The following PTK2B variants were observed in gnomAD, a reference collection of about 807,000 sequenced individuals.
The protein encoded by PTK2B is protein tyrosine kinase 2 beta, also known as protein-tyrosine kinase 2-beta.
PTK2B carries 71 observed loss-of-function variants against 142.9 expected under a neutral mutation model. The observed-to-expected ratio is 0.50, with a 90% CI of 0.41 to 0.61. PTK2B has a LOEUF of 0.61. PTK2B is among the 20% of genes least tolerant of loss of function. The pLI is 0.00. For synonymous variants in PTK2B, 519 were observed against 503.4 expected (o/e 1.03, Z -0.42); for missense variants, 1,105 against 1,320.4 (o/e 0.84, Z 2.53).
intron 3 of PTK2B, among the ~76,000 whole-genome samples, chr8:27,314,003 T>C (rs541514183): frequency 8.3e-4 from 127 of 152,256 alleles, no homozygotes; most frequent in Non-Finnish European, 1.4e-3. Context: ...CTTGAGGGGA[T>C]TGGGGAGGGT....
intron 1 of PTK2B, among the ~76,000 whole-genome samples, chr8:27,380,140 T>C (rs1208730113): frequency 6.6e-6 from 1 of 152,168 alleles, no homozygotes; most frequent in African/African-American, 2.4e-5. Flanking sequence ...CTCAGGGACT[T>C]GCTACTCACA....
chr8:27,340,908 G>A (rs1804356337), intron 1 of PTK2B, among the ~76,000 whole-genome samples: 1 of 152,246 alleles, frequency 6.6e-6, no homozygotes, highest in Non-Finnish European at 1.5e-5. Flanking sequence ...TGTGCAGTGG[G>A]GAGGGGGGCA....
rs1304632540 is a variant in PTK2B, at chr8:27,362,808, T to A, written c.-37-34740T>A. ...CTGTTCCCACGTGAAATCTAGAACT[T>A]CTCCCACACGAAATCTAGAACTGCT... On this transcript the variant is annotated intron_variant, in intron 1 of 30. Transcript: ENST00000346049. Among the ~76,000 whole-genome samples, 10 of 152,018 alleles carry A rather than the reference T, an allele frequency of 6.6e-5. No individual in the cohort carries two copies. In the East Asian group the frequency reaches 1.9e-3, roughly 29 times the overall value.
intron 1 of PTK2B, among the ~76,000 whole-genome samples, chr8:27,344,616 T>C (rs1312594004): frequency 6.6e-6 from 1 of 152,130 alleles, no homozygotes; most frequent in Admixed American, 6.5e-5. Context: ...ATAACTAAGG[T>C]CACCCAGGAT....
chr8:27,425,736 A>G (rs1810045518), intron 5 of PTK2B, among the ~76,000 whole-genome samples: 1 of 152,244 alleles, frequency 6.6e-6, no homozygotes, highest in South Asian at 2.1e-4. Flanking sequence ...CATTACGCAG[A>G]GTAGTTTCAC....
rs549026864 is a variant in PTK2B, at chr8:27,426,098, A to C, written c.551+3715A>C. ...ACAGCAACAACAACTACAACAAAAC[A>C]GAGAATACGTAACCCCAGATTAGCT... On this transcript the variant is annotated intron_variant, in intron 5 of 30. Coordinates refer to ENST00000346049, the MANE Select transcript of PTK2B (RefSeq NM_173176.3). Among the ~76,000 whole-genome samples, 4 of 152,348 alleles carry C rather than the reference A, an allele frequency of 2.6e-5. No individual in the cohort carries two copies. In the South Asian group the frequency reaches 8.3e-4, roughly 32 times the overall value.
rs147278910 is a variant in PTK2B, at chr8:27,372,919, C to T, written c.-37-24629C>T. Among the ~76,000 whole-genome samples, 50 of 152,202 alleles carry T rather than the reference C, an allele frequency of 3.3e-4. 1 individual carries two copies. The East Asian group carries it at 8.3e-3, about 25-fold the overall frequency. ...GAGTTCATATACAAAGTCTAAATTT[C>T]CACATAGACATTTCCAAAGTCTATG... On this transcript the variant is annotated intron_variant, in intron 1 of 30. Transcript: ENST00000346049.
At position 27,439,044 on chromosome 8, in the gene PTK2B, C is replaced by T. The variant is rs749280298; in HGVS notation, c.1657C>T (p.Arg553Trp). 8 of 1,613,958 alleles carry T rather than the reference C, an allele frequency of 5.0e-6. No homozygotes were observed. Among genetic ancestry groups the T allele is most frequent in the Admixed American group, 3.3e-5 (2 of 60,012 alleles). The change falls in exon 19 of 31, where the codon CGG becomes TGG. Residue 553 changes from arginine (R) to tryptophan (W), a missense_variant. Physicochemically the swap from Arg to Trp is moderately radical, Grantham distance 101. Transcript: ENST00000346049. ...INCVHRDIAV[R>W]NILVASPECV... The stretch of plus-strand genomic sequence containing the variant: ...CCCTTCTTCCAGGGACATTGCTGTC[C>T]GGAACATCCTGGTGGCCTCCCCTGA...
intron 1 of PTK2B, among the ~76,000 whole-genome samples, chr8:27,331,861 G>A (rs879464072): frequency 3.3e-5 from 5 of 152,186 alleles, no homozygotes; most frequent in Non-Finnish European, 5.9e-5. Context: ...GGAACCTCAA[G>A]TGCTTTTCTA....
chr8:27,442,330 T>C (rs1178547602), intron 21 of PTK2B, among the ~76,000 whole-genome samples: 6 of 152,192 alleles, frequency 3.9e-5, no homozygotes, highest in African/African-American at 1.4e-4. Context: ...TCCAGAGTCC[T>C]CTGGGGTCTG....
intron 1 of PTK2B, among the ~76,000 whole-genome samples, chr8:27,331,105 C>T (rs1263629519): frequency 5.9e-5 from 9 of 152,226 alleles, no homozygotes; most frequent in African/African-American, 2.2e-4. Flanking sequence ...GACAGGAGGG[C>T]TCAAAGAATC....
intron 1 of PTK2B, among the ~76,000 whole-genome samples, chr8:27,389,525 C>T (rs1586216589): frequency 1.3e-5 from 2 of 152,274 alleles, no homozygotes; most frequent in South Asian, 4.1e-4. Flanking sequence ...GGTAATGCAT[C>T]CCTGTTGCTC....
chr8:27,437,044 G>T (rs1810821593), intron 15 of PTK2B, 78 bp from the exon 16 acceptor site: 1 of 1,389,850 alleles, frequency 7.2e-7, no homozygotes, highest in Non-Finnish European at 1.0e-6. Context: ...TCTGCAGGAG[G>T]CCATGGGGAG....
At position 27,445,811 on chromosome 8, in the gene PTK2B, T is replaced by A; in HGVS notation, c.2232T>A (p.Cys744Ter). The A allele has an allele frequency of 6.2e-7, 1 of 1,613,972 alleles. No individual in the cohort carries two copies. The highest frequency in any genetic ancestry group is 8.5e-7 in the Non-Finnish European group (1 of 1,180,028). ...CTGAATAGGTTCCTGAGGGTCTGTG[T>A]GCCAGCTCTCCTACGCTCACCAGCC... The part of the protein sequence containing the change: ...KLQFQVPEGL[C>*]ASSPTLTSPM... The change falls in exon 24 of 31, where the codon TGT becomes TGA. Residue 744 changes from cysteine (C) to a stop codon, truncating the protein, a stop_gained. Coordinates refer to ENST00000346049, the MANE Select transcript of PTK2B (RefSeq NM_173176.3). LOFTEE classifies it high-confidence loss of function.
chr8:27,379,529 A>G (rs1806884239), intron 1 of PTK2B, among the ~76,000 whole-genome samples: 1 of 152,050 alleles, frequency 6.6e-6, no homozygotes, highest in Admixed American at 6.5e-5. Context: ...CACCCAGCCT[A>G]CCACAGCTGT....
At chr8:27,422,173 T>A in intron 4 of PTK2B, 131 bp from the exon 5 acceptor site, 1 of 796,408 alleles carries the variant, frequency 1.3e-6, no homozygotes, top group Non-Finnish European at 2.0e-6. Flanking sequence ...CCCTGCTCCA[T>A]GCTTGTTTGT....
intron 3 of PTK2B, among the ~76,000 whole-genome samples, chr8:27,314,727 A>G (rs1160318079): frequency 6.6e-6 from 1 of 152,178 alleles, no homozygotes; most frequent in African/African-American, 2.4e-5. Context: ...TTCATTTTCC[A>G]TAAAACCCTT....
intron 1 of PTK2B, among the ~76,000 whole-genome samples, chr8:27,371,332 A>G (rs1431840200): frequency 6.6e-6 from 1 of 152,130 alleles, no homozygotes; most frequent in African/African-American, 2.4e-5. Context: ...TGTGAATGCC[A>G]AGGTCGGCGG....
intron 30 of PTK2B, among the ~76,000 whole-genome samples, chr8:27,456,872 C>T (rs552519024): frequency 6.6e-6 from 1 of 152,186 alleles, no homozygotes; most frequent in Non-Finnish European, 1.5e-5. Flanking sequence ...TATGCCAAAG[C>T]CTAATCCAGA....
Sources: allele counts gnomAD v4.1 joint callset (sites outside exome capture counted in the v4.1 genomes callset), GRCh38; gene constraint gnomAD v4.1.1; transcripts MANE v1.5; gene names NCBI Gene and HGNC (gene_info 2026-07-23, HGNC 2026-07-21).